The following SLC35B1 variants were observed in gnomAD, a reference collection of about 807,000 sequenced individuals.
SLC35B1 encodes the protein solute carrier family 35 member B1.
A neutral mutation model predicts 36.6 loss-of-function variants in SLC35B1; 27 were observed. The ratio of observed to expected loss-of-function variants is 0.74; its 90% confidence interval spans 0.54 to 1.02. The LOEUF (loss-of-function observed/expected upper bound fraction) is 1.02, where lower values mean the gene tolerates loss of function less well. Ranked by LOEUF, SLC35B1 falls within the 50% of genes least tolerant of loss-of-function variation. SLC35B1 has a pLI of 0.00. For synonymous variants in SLC35B1, 162 were observed against 152.5 expected (o/e 1.06, Z -0.46); for missense variants, 321 against 383.2 (o/e 0.84, Z 1.35).
chr17:49,706,032 G>A, intron 3 of SLC35B1, 136 bp from the exon 4 acceptor site: 3 of 1,278,566 alleles, frequency 2.3e-6, no homozygotes, highest in South Asian at 2.8e-5. Flanking sequence ...CCCTATCATG[G>A]CCCAACCCAC....
At chr17:49,705,082 A>C (rs750359338) in intron 5 of SLC35B1, 42 bp downstream of exon 5, 1 of 1,608,060 alleles carries the variant, frequency 6.2e-7, no homozygotes, top group Admixed American at 1.7e-5. Context: ...CCTTTGGTTA[A>C]GTTTGCTGGA....
intron 1 of SLC35B1, chr17:49,707,483 G>T: frequency 2.0e-6 from 3 of 1,488,902 alleles, no homozygotes; most frequent in Non-Finnish European, 2.7e-6. Context: ...TAAAACGCAG[G>T]CCCTTAGAAC....
chr17:49,701,677 C>T, intron 8 of SLC35B1, 167 bp from the exon 9 acceptor site: 1 of 593,978 alleles, frequency 1.7e-6, no homozygotes, highest in Admixed American at 2.9e-5. Flanking sequence ...AAGAGAATGG[C>T]ACCAGGATAC....
intron 4 of SLC35B1, chr17:49,705,586 A>G: frequency 1.7e-6 from 1 of 588,056 alleles, no homozygotes; most frequent in South Asian, 2.1e-5. Context: ...CAAAATGGGA[A>G]TTAAGTTGTC....
At chr17:49,707,531 A>G in intron 1 of SLC35B1, 199 bp downstream of exon 1, 1 of 1,491,484 alleles carries the variant, frequency 6.7e-7, no homozygotes, top group Non-Finnish European at 8.9e-7. Flanking sequence ...AAAATAACCA[A>G]GTCCGAAGAA....
upstream of SLC35B1, chr17:49,708,090 T>G (rs1476217524): frequency 1.3e-6 from 1 of 758,726 alleles, no homozygotes; most frequent in Admixed American, 2.1e-5. Context: ...GCTCCATCCC[T>G]GAGGGCCAGG....
intron 3 of SLC35B1, 24 bp from the exon 4 acceptor site, chr17:49,705,920 T>C (rs1239751718): frequency 8.1e-6 from 13 of 1,613,244 alleles, no homozygotes; most frequent in Non-Finnish European, 1.0e-5. Context: ...CAGCAAATAA[T>C]TTCTGAGCAT....
chr17:49,704,534 A>G (rs1196353261), intron 5 of SLC35B1, among the ~76,000 whole-genome samples: 1 of 151,874 alleles, frequency 6.6e-6, no homozygotes, highest in Non-Finnish European at 1.5e-5. Context: ...CCAGCAGGTT[A>G]GCTTCCTAGC....
intron 1 of SLC35B1, chr17:49,707,375 G>A: frequency 7.0e-7 from 1 of 1,429,530 alleles, no homozygotes; most frequent in Non-Finnish European, 9.3e-7. Context: ...TTCGGCTATG[G>A]CACCAAGGCC....
At chr17:49,707,610 G>A in intron 1 of SLC35B1, 120 bp downstream of exon 1, 1 of 1,447,928 alleles carries the variant, frequency 6.9e-7, no homozygotes, top group Non-Finnish European at 9.3e-7. Flanking sequence ...GTAGTAGGGT[G>A]CTAAGAGGGC....
upstream of SLC35B1, chr17:49,708,036 C>G: frequency 1.8e-6 from 2 of 1,139,878 alleles, no homozygotes; most frequent in Non-Finnish European, 2.5e-6. Context: ...TCCTCAGAAC[C>G]CAGCAACCAC....
chr17:49,707,695 G>C (rs1224084030), intron 1 of SLC35B1, 35 bp downstream of exon 1: 1 of 1,600,454 alleles, frequency 6.2e-7, no homozygotes, highest in Admixed American at 1.7e-5. Context: ...CACAGGCTGG[G>C]GAGAGACTGT....
Position 49,705,966 on chromosome 17 carries a change from T to C in SLC35B1, c.340-70A>G, listed in dbSNP as rs77032871. On this transcript the variant is annotated intron_variant, in intron 3 of 8. Transcript: ENST00000240333. The stretch of plus-strand genomic sequence containing the variant: ...TCAGGTACTATGCTAGGTACCGCAC[T>C]GATTAAGATGAGTAAGCACAGGGCC... 5.0e-3 allele frequency: 7,511 copies of C among 1,493,924 alleles called. 308 individuals are homozygous for C. The African/African-American group carries it at 0.09, about 18-fold the overall frequency. 92.5% of individuals were successfully genotyped at this position (1,493,924 alleles called of 1,614,324 possible). A position where few individuals can be genotyped will look rare whatever the true frequency, so the allele number is the denominator to read the frequency against.
Position 49,704,930 on chromosome 17 carries a change from G to A in SLC35B1, c.528+194C>T, listed in dbSNP as rs907479074. 5.6e-6 allele frequency: 3 copies of A among 534,282 alleles called. No homozygotes were observed. In the African/African-American group the frequency reaches 5.8e-5, roughly 10 times the overall value. 33.1% of individuals were successfully genotyped at this position (534,282 alleles called of 1,614,324 possible). A position where few individuals can be genotyped will look rare whatever the true frequency, so the allele number is the denominator to read the frequency against. ...TTATCTCTTCTCCAGAATGAGAGCT[G>A]AGTTGTAGTTAAATATTTCAGGTTT... On this transcript the variant is annotated intron_variant, in intron 5 of 8. Transcript: ENST00000240333.
Position 49,707,862 on chromosome 17 carries a change from C to T in SLC35B1, c.-29G>A. On this transcript the variant is annotated 5_prime_UTR_variant, in exon 1 of 9. Transcript: ENST00000240333. ...ACGCCCAGAGGAGCCGACTGGAGAC[C>T]CGCTCACAACCGGCACCGGCAGCAG... 2.5e-6 allele frequency: 4 copies of T among 1,610,008 alleles called. No individual in the cohort carries two copies. The African/African-American group carries it at 5.3e-5, about 21-fold the overall frequency.
rs747688051 is a variant in SLC35B1 at position 49,707,910 on chromosome 17, A to G, written c.-77T>C. 1.3e-6 allele frequency: 2 copies of G among 1,588,686 alleles called. No homozygotes were observed. The highest frequency in any genetic ancestry group is 3.7e-5 in the Admixed American group (2 of 54,480). ...CAGCGGCGGCGGAGGCGACAGCTCC[A>G]GCCGGACATCGCCGACCGGCGGCAG... is the stretch of plus-strand genomic sequence containing the variant. On this transcript the variant is annotated 5_prime_UTR_variant, in exon 1 of 9. Coordinates refer to ENST00000240333, the MANE Select transcript of SLC35B1 (RefSeq NM_005827.4).
Position 49,703,236 on chromosome 17 carries a change from G to A in SLC35B1, c.714C>T (p.Ala238=). The A allele has an allele frequency of 6.2e-7, 1 of 1,614,008 alleles. No homozygotes were observed. The highest frequency in any genetic ancestry group is 1.3e-5 in the African/African-American group (1 of 75,018). Residue 238 remains alanine (A), a synonymous_variant, in exon 7 of 9, where the codon GCC becomes GCT. Coordinates refer to ENST00000240333, the MANE Select transcript of SLC35B1 (RefSeq NM_005827.4). ...CAAAGAGCAGGATGTTATAGATGATGGCAGGGTACCTTTCAGCAAAGCTCA... is the reference window on the plus strand; with the variant it reads ...CAAAGAGCAGGATGTTATAGATGATAGCAGGGTACCTTTCAGCAAAGCTCA... The part of the protein sequence containing the change: ...EFLSFAERYP[A]IIYNILLFGL...
intron 3 of SLC35B1, 102 bp downstream of exon 3, chr17:49,706,102 C>A (rs12942157): frequency 2.4e-6 from 2 of 837,060 alleles, no homozygotes; most frequent in Non-Finnish European, 3.4e-6. Flanking sequence ...GGACCGTTAT[C>A]TTTTTTTTTT....
intron 1 of SLC35B1, 153 bp from the exon 2 acceptor site, chr17:49,707,221 G>C: frequency 7.4e-7 from 1 of 1,358,982 alleles, no homozygotes; most frequent in South Asian, 1.4e-5. Context: ...ATTTGCAAAA[G>C]GGGCTGATTT....
Sources: gnomAD v4.1 joint callset for allele counts (sites outside exome capture counted in the v4.1 genomes callset) on GRCh38, gnomAD v4.1.1 for gene constraint, MANE v1.5 for transcripts, NCBI Gene and HGNC (gene_info 2026-07-23, HGNC 2026-07-21) for gene names.